ADAD1: variants seen among roughly 807,000 people sequenced by gnomAD.
ADAD1 encodes adenosine deaminase domain-containing protein 1.
In ADAD1, 46 loss-of-function variants were observed where a neutral mutation model predicts 66.8. That is an observed-to-expected ratio of 0.69 (90% CI 0.54 to 0.88). The LOEUF (loss-of-function observed/expected upper bound fraction) is 0.88, where lower values mean the gene tolerates loss of function less well. Ranked by LOEUF, ADAD1 falls within the 40% of genes least tolerant of loss-of-function variation. The pLI, the probability that ADAD1 is intolerant of heterozygous loss-of-function variation, is 0.00. For synonymous variants in ADAD1, 248 were observed against 229.4 expected (o/e 1.08, Z -0.73); for missense variants, 617 against 681.8 (o/e 0.91, Z 1.06).
chr4:122,386,816 T>C (rs1795195950), intron 5 of ADAD1, among the ~76,000 whole-genome samples: 1 of 152,220 alleles, frequency 6.6e-6, no homozygotes, highest in Admixed American at 6.5e-5. Flanking sequence ...TGCTTGTTTT[T>C]GTTCAGTTTG....
chr4:122,418,263 C>G (rs1796834154), intron 11 of ADAD1, among the ~76,000 whole-genome samples: 1 of 147,772 alleles, frequency 6.8e-6, no homozygotes, highest in Admixed American at 6.8e-5. Context: ...ACATTACTTG[C>G]AAAACTTATA....
chr4:122,428,800 G>A (rs1797377600), intron 12 of ADAD1, among the ~76,000 whole-genome samples: 1 of 152,036 alleles, frequency 6.6e-6, no homozygotes, highest in Admixed American at 6.6e-5. Flanking sequence ...AGAGGTGAGG[G>A]ATTTGTTTCA....
chr4:122,390,971 ATTCT>A (rs1795406091), intron 5 of ADAD1, among the ~76,000 whole-genome samples: 2 of 151,996 alleles, frequency 1.3e-5, no homozygotes, highest in Non-Finnish European at 2.9e-5. Context: ...TTTTTCATTG[ATTCT>A]TTATCATCTT....
At position 122,429,662 on chromosome 4, in the gene ADAD1, T is replaced by G; in HGVS notation, c.1654T>G (p.Leu552Val). The G allele has an allele frequency of 6.2e-7, 1 of 1,613,560 alleles. No homozygotes were observed. The highest frequency in any genetic ancestry group is 1.1e-5 in the South Asian group (1 of 91,046). ...CTCCTATCAAGAAGCTAAATGTAAGTTGAAATCCTACTTACAACAACATGG... is the reference window on the plus strand; with the variant it reads ...CTCCTATCAAGAAGCTAAATGTAAGGTGAAATCCTACTTACAACAACATGG... ...SASYQEAKCK[L>V]KSYLQQHGYG... is the part of the protein sequence containing the mutation. The change falls in exon 13 of 13, where the codon TTG (leucine) becomes GTG (valine). Residue 552 changes from leucine to valine, a missense_variant. Coordinates refer to ENST00000296513, the MANE Select transcript of ADAD1 (RefSeq NM_139243.4).
intron 12 of ADAD1, among the ~76,000 whole-genome samples, chr4:122,427,523 C>CTTTTTTTTTTTT (rs59864757): frequency 1.4e-5 from 1 of 71,980 alleles, no homozygotes; most frequent in Non-Finnish European, 2.4e-5. Flanking sequence ...ATCCAAAGGC[C>CTTTTTTTTTTTT]TTTTTTTTTT....
chr4:122,422,305 A>C (rs1469922646), intron 12 of ADAD1, among the ~76,000 whole-genome samples: 2 of 152,008 alleles, frequency 1.3e-5, no homozygotes, highest in Non-Finnish European at 2.9e-5. Context: ...TTGTACTTTC[A>C]GTAGAGACGG....
At chr4:122,403,923 G>C (rs940589810) in intron 7 of ADAD1, among the ~76,000 whole-genome samples, 6 of 152,084 alleles carry the variant, frequency 3.9e-5, no homozygotes, top group Non-Finnish European at 8.8e-5. Flanking sequence ...GGCTGCCTCT[G>C]CTCTGTCATA....
intron 12 of ADAD1, 152 bp from the exon 13 acceptor site, chr4:122,429,474 A>G: frequency 1.9e-6 from 1 of 533,336 alleles, no homozygotes; most frequent in Non-Finnish European, 3.3e-6. Context: ...TGGGAAGGAA[A>G]TTTTTTAGCT....
chr4:122,417,979 C>CA (rs1447249131), intron 11 of ADAD1, among the ~76,000 whole-genome samples: 2 of 152,030 alleles, frequency 1.3e-5, no homozygotes, highest in African/African-American at 4.8e-5. Context: ...GTAGGTTATA[C>CA]AGTTTAAACA....
chr4:122,408,675 A>C (rs942983626), intron 8 of ADAD1, among the ~76,000 whole-genome samples: 2 of 152,124 alleles, frequency 1.3e-5, no homozygotes, highest in African/African-American at 4.8e-5. Context: ...GCTTGAGTAC[A>C]AGAGTTCGAG....
intron 7 of ADAD1, among the ~76,000 whole-genome samples, chr4:122,406,528 C>T (rs1796220024): frequency 2.6e-5 from 4 of 151,902 alleles, no homozygotes; most frequent in African/African-American, 4.8e-5. Flanking sequence ...TTTATTTTGT[C>T]GATTATTTTG....
At chr4:122,408,172 A>G in intron 8 of ADAD1, 141 bp downstream of exon 8, 1 of 859,118 alleles carries the variant, frequency 1.2e-6, no homozygotes, top group Non-Finnish European at 1.7e-6. Flanking sequence ...AAGTCATCGG[A>G]TTAATTCCAT....
At chr4:122,428,871 G>A (rs536919132) in intron 12 of ADAD1, among the ~76,000 whole-genome samples, 37 of 152,054 alleles carry the variant, frequency 2.4e-4, no homozygotes, top group Middle Eastern at 3.4e-3. Context: ...ACCAAACAAT[G>A]CACTTAACAA....
At chr4:122,379,921 T>C in intron 2 of ADAD1, 141 bp from the exon 3 acceptor site, 1 of 798,592 alleles carries the variant, frequency 1.3e-6, no homozygotes, top group South Asian at 1.9e-5. Context: ...TGAGATCAGT[T>C]CAAGAGGGAT....
chr4:122,399,397 G>A (rs920062151), intron 7 of ADAD1, among the ~76,000 whole-genome samples: 1 of 152,044 alleles, frequency 6.6e-6, no homozygotes, highest in African/African-American at 2.4e-5. Context: ...GCCTTGTAGT[G>A]TATAGTTTGA....
chr4:122,386,714 A>C (rs1203270618), intron 5 of ADAD1, among the ~76,000 whole-genome samples: 1 of 152,186 alleles, frequency 6.6e-6, no homozygotes, highest in East Asian at 1.9e-4. Context: ...ATTTTTGTAT[A>C]AGGTGTAAGG....
At chr4:122,414,285 G>GGT (rs1796623710) in intron 10 of ADAD1, among the ~76,000 whole-genome samples, 1 of 101,450 alleles carries the variant, frequency 9.9e-6, no homozygotes. Context: ...TGGGGGGGGG[G>GGT]GTACAACTAC....
intron 5 of ADAD1, among the ~76,000 whole-genome samples, chr4:122,392,249 C>A (rs1197161982): frequency 6.6e-6 from 1 of 152,210 alleles, no homozygotes; most frequent in African/African-American, 2.4e-5. Context: ...CACATGCAAT[C>A]TTATGTTCAT....
At chr4:122,410,091 T>G (rs1238885891) in intron 8 of ADAD1, among the ~76,000 whole-genome samples, 1 of 152,200 alleles carries the variant, frequency 6.6e-6, no homozygotes, top group Non-Finnish European at 1.5e-5. Context: ...CATTCTCACT[T>G]TTTGTGTTGG....
Sources: allele counts gnomAD v4.1 joint callset (sites outside exome capture counted in the v4.1 genomes callset), GRCh38; gene constraint gnomAD v4.1.1; transcripts MANE v1.5; gene names NCBI Gene and HGNC (gene_info 2026-07-23, HGNC 2026-07-21).